Variants in CHRNB2 observed in about 807,000 individuals in gnomAD.
The protein encoded by CHRNB2 is cholinergic receptor nicotinic beta 2 subunit.
CHRNB2 carries 33 observed loss-of-function variants against 42.7 expected under a neutral mutation model. The observed-to-expected ratio is 0.77, with a 90% CI of 0.59 to 1.03. The LOEUF is 1.03. Ranked by LOEUF, CHRNB2 falls within the 50% of genes least tolerant of loss-of-function variation. The probability of loss-of-function intolerance (pLI) is 0.00; values close to 1 mark genes in which losing one functional copy is unlikely to be tolerated. For missense variants in CHRNB2, 603 were observed against 700.9 expected, an observed-to-expected ratio of 0.86 and a Z score of 1.58; for synonymous variants, 325 against 292.9, an observed-to-expected ratio of 1.11 and a Z score of -1.12.
rs1376414051 is a variant in CHRNB2, at chr1:154,567,979, C to G, written c.-66C>G. 2.7e-5 allele frequency: 38 copies of G among 1,418,722 alleles called. No homozygotes were observed. The highest frequency in any genetic ancestry group is 3.5e-5 in the Non-Finnish European group (38 of 1,083,724). 87.9% of individuals were successfully genotyped at this position (1,418,722 alleles called of 1,614,324 possible). On this transcript the variant is annotated 5_prime_UTR_variant, in exon 1 of 6. Transcript: ENST00000368476. ...TTCAGCACCACGGACAGCGCCCCAC[C>G]CGCGGCCCTCCCCCCGGCGGCGCGC... is the stretch of plus-strand genomic sequence containing the variant.
At position 154,576,455 on chromosome 1, in the gene CHRNB2, C is replaced by T. The variant is rs1571027322; in HGVS notation, c.*523C>T. On this transcript the variant is annotated 3_prime_UTR_variant, in exon 6 of 6. Transcript: ENST00000368476. ...GTGGACAGCAGCTGGACTGGGTGGGCCCCACAGTGGTCAGCGATTCCTGCC... is the reference window on the plus strand; with the variant it reads ...GTGGACAGCAGCTGGACTGGGTGGGTCCCACAGTGGTCAGCGATTCCTGCC... The T allele has an allele frequency of 8.8e-6, 2 of 228,292 alleles. No homozygotes were observed. The highest frequency in any genetic ancestry group is 6.4e-5 in the South Asian group (1 of 15,550). The allele number at this position is 228,292 out of a possible 1,614,324, so 14.1% of individuals were successfully genotyped here.
At chr1:154,569,859 A>G in intron 3 of CHRNB2, 23 bp downstream of exon 3, 1 of 1,613,384 alleles carries the variant, frequency 6.2e-7, no homozygotes, top group Non-Finnish European at 8.5e-7. Flanking sequence ...GCTCTCTTCC[A>G]CCCACACCCC....
Position 154,571,196 on chromosome 1 carries a change from G to A in CHRNB2, c.373G>A (p.Gly125Ser), listed in dbSNP as rs922186544. The A allele has an allele frequency of 3.7e-6, 6 of 1,614,028 alleles. No individual in the cohort carries two copies. The highest frequency in any genetic ancestry group is 1.7e-5 in the Admixed American group (1 of 60,012). Residue 125 changes from glycine to serine, a missense_variant, in exon 5 of 6, where the codon GGC becomes AGC. Gly to Ser is a moderately conservative substitution (Grantham distance 56, BLOSUM62 0). This residue lies in a region of CHRNB2 where 333 missense variants were observed against 452.6 expected (regional missense o/e 0.74). Coordinates refer to ENST00000368476, the MANE Select transcript of CHRNB2 (RefSeq NM_000748.3). This position sits in a 1 kb window ranked among gnomAD's most constrained non-coding sequence, Gnocchi z 6.8. Reference sequence around the variant, plus strand: ...GTGCCCATCCTTTGGCAGTGCTGACGGCATGTACGAGGTGTCCTTCTATTC... The same window carrying A: ...GTGCCCATCCTTTGGCAGTGCTGACAGCATGTACGAGGTGTCCTTCTATTC... Reference protein sequence around the residue: ...PDVVLYNNADGMYEVSFYSNA... With the variant: ...PDVVLYNNADSMYEVSFYSNA...
rs975440916 is a variant in CHRNB2 at position 154,576,848 on chromosome 1, G to A, written c.*916G>A. The A allele has an allele frequency of 3.3e-5, 5 of 152,176 alleles. No individual in the cohort carries two copies. Among genetic ancestry groups the A allele is most frequent in the South Asian group, 2.1e-4 (1 of 4,834 alleles). 9.4% of individuals were successfully genotyped at this position (152,176 alleles called of 1,614,324 possible). A position where few individuals can be genotyped will look rare whatever the true frequency, so the allele number is the denominator to read the frequency against. On this transcript the variant is annotated 3_prime_UTR_variant, in exon 6 of 6. Coordinates refer to ENST00000368476, the MANE Select transcript of CHRNB2 (RefSeq NM_000748.3). Reference sequence around the variant, plus strand: ...TGCAGATGAAGAAACTGACCCACACGGTGAGACAAGCACAGGTGGGTCTGA... The same window carrying A: ...TGCAGATGAAGAAACTGACCCACACAGTGAGACAAGCACAGGTGGGTCTGA...
At chr1:154,575,629 C>G (rs2101526971) in intron 5 of CHRNB2, 133 bp from the exon 6 acceptor site, 1 of 970,652 alleles carries the variant, frequency 1.0e-6, no homozygotes, top group Admixed American at 1.8e-5. Context: ...CAGAGCCATG[C>G]TTTAACAAGA....
rs767243629 is a variant in CHRNB2 at position 154,575,857 on chromosome 1, C to A, written c.1434C>A (p.Phe478Leu). Residue 478 changes from phenylalanine (F) to leucine (L), a missense_variant, in exon 6 of 6, where the codon TTC (phenylalanine) becomes TTA (leucine). Phe to Leu is a conservative substitution (Grantham distance 22). Coordinates refer to ENST00000368476, the MANE Select transcript of CHRNB2 (RefSeq NM_000748.3). ...GTGTCTTTGGCACCATCGGCATGTTCCTGCAGCCTCTCTTCCAGAACTACA... is the reference window on the plus strand; with the variant it reads ...GTGTCTTTGGCACCATCGGCATGTTACTGCAGCCTCTCTTCCAGAACTACA... ...FVCVFGTIGMFLQPLFQNYTT... is the reference protein window; with the variant it reads ...FVCVFGTIGMLLQPLFQNYTT... 4 of 1,614,126 alleles carry A rather than the reference C, an allele frequency of 2.5e-6. No homozygotes were observed. The highest frequency in any genetic ancestry group is 3.4e-6 in the Non-Finnish European group (4 of 1,180,028).
rs1266967274 is a variant in CHRNB2, at chr1:154,571,874, C to T, written c.1051C>T (p.Gln351Ter). ...GCTGCCCGCGCTGCTCTTCATGCAG[C>T]AGCCACGCCATCATTGCGCCCGTCA... ...EKLPALLFMQQPRHHCARQRL... is the reference protein window; with the variant it reads ...EKLPALLFMQ Residue 351 changes from glutamine (Q) to a stop codon, truncating the protein, a stop_gained, in exon 5 of 6, where the codon CAG becomes TAG. Transcript: ENST00000368476. LOFTEE classifies it high-confidence loss of function. The surrounding 1 kb of genome is among the most constrained non-coding windows in gnomAD (Gnocchi z 6.8). 6.2e-7 allele frequency: 1 copy of T among 1,601,010 alleles called. No homozygotes were observed.
chr1:154,574,457 C>G (rs188307169), intron 5 of CHRNB2, among the ~76,000 whole-genome samples: 2 of 152,278 alleles, frequency 1.3e-5, no homozygotes, highest in Non-Finnish European at 2.9e-5. Flanking sequence ...TGGAACAGTT[C>G]CTCAGCTTTG....
At chr1:154,568,241 A>C in intron 1 of CHRNB2, 133 bp downstream of exon 1, 1 of 1,101,378 alleles carries the variant, frequency 9.1e-7, no homozygotes, top group East Asian at 2.6e-5. Flanking sequence ...AGTCTGCTGG[A>C]GGTTAGGGGA....
In CHRNB2 at chr1:154,571,211, T is replaced by G; in HGVS notation, c.388T>G (p.Ser130Ala). ...YNNADGMYEV[S>A]FYSNAVVSYD... ...CAGTGCTGACGGCATGTACGAGGTG[T>G]CCTTCTATTCCAATGCCGTGGTCTC... The change falls in exon 5 of 6, where the codon TCC becomes GCC. Residue 130 changes from serine to alanine, a missense_variant. Physicochemically the swap from Ser to Ala is moderately conservative, Grantham distance 99. Transcript: ENST00000368476. The surrounding 1 kb of genome is among the most constrained non-coding windows in gnomAD (Gnocchi z 6.8). 6.2e-7 allele frequency: 1 copy of G among 1,614,198 alleles called. No homozygotes were observed. The highest frequency in any genetic ancestry group is 8.5e-7 in the Non-Finnish European group (1 of 1,180,042).
At position 154,571,072 on chromosome 1, in the gene CHRNB2, G is replaced by A. The variant is rs1696155745; in HGVS notation, c.366-117G>A. The A allele has an allele frequency of 6.3e-7, 1 of 1,595,294 alleles. No homozygotes were observed. The highest frequency in any genetic ancestry group is 1.3e-5 in the African/African-American group (1 of 74,458). On this transcript the variant is annotated intron_variant, in intron 4 of 5. Coordinates refer to ENST00000368476, the MANE Select transcript of CHRNB2 (RefSeq NM_000748.3). The surrounding 1 kb of genome is among the most constrained non-coding windows in gnomAD (Gnocchi z 6.8). The stretch of plus-strand genomic sequence containing the variant: ...CTCCTGGATGGTTACTCTCAGATCT[G>A]GGTGTCCCCTCCCCATGTCTCCCTC...
intron 1 of CHRNB2, 120 bp downstream of exon 1, chr1:154,568,228 G>A (rs1696097512): frequency 2.4e-6 from 3 of 1,253,266 alleles, no homozygotes; most frequent in African/African-American, 3.0e-5. Flanking sequence ...CTAGAGGTGG[G>A]GGAGTCTGCT....
Position 154,576,307 on chromosome 1 carries a change from G to C in CHRNB2, c.*375G>C. On this transcript the variant is annotated 3_prime_UTR_variant, in exon 6 of 6. Coordinates refer to ENST00000368476, the MANE Select transcript of CHRNB2 (RefSeq NM_000748.3). ...GCCTCCAAGTCATGGGAGAAGAGGG[G>C]TATAGGACAAGGGGTGGAAGGGCAG... The C allele has an allele frequency of 2.7e-6, 1 of 366,522 alleles. No homozygotes were observed. The highest frequency in any genetic ancestry group is 2.2e-5 in the South Asian group (1 of 45,552). The allele number at this position is 366,522 out of a possible 1,614,324, so 22.7% of individuals were successfully genotyped here.
rs1465775972 is a variant in CHRNB2, at chr1:154,569,856, T to C, written c.255+20T>C. The C allele has an allele frequency of 6.2e-7, 1 of 1,613,914 alleles. No homozygotes were observed. The highest frequency in any genetic ancestry group is 1.1e-5 in the South Asian group (1 of 91,066). On this transcript the variant is annotated intron_variant, in intron 3 of 5. Transcript: ENST00000368476. Reference sequence around the variant, plus strand: ...ACCCAGGTAAGCGTAAGTGCTCTCTTCCACCCACACCCCTGGCCTTCTCTC... The same window carrying C: ...ACCCAGGTAAGCGTAAGTGCTCTCTCCCACCCACACCCCTGGCCTTCTCTC...
chr1:154,571,557 GT>G lies in CHRNB2; in HGVS notation c.735del (p.Cys245TrpfsTer7). On this transcript the variant is annotated frameshift_variant, in exon 5 of 6. Coordinates refer to ENST00000368476, the MANE Select transcript of CHRNB2 (RefSeq NM_000748.3). LOFTEE classifies it high-confidence loss of function. The surrounding 1 kb of genome is among the most constrained non-coding windows in gnomAD (Gnocchi z 6.8). Reference sequence around the variant, plus strand: ...TACACCATCAACCTCATCATCCCCTGTGTGCTCATCACCTCGCTAGCCATCC... The same window carrying G: ...TACACCATCAACCTCATCATCCCCTGGTGCTCATCACCTCGCTAGCCATCC... ...LFYTINLIIP[C>X]VLITSLAILV... 6.2e-7 allele frequency: 1 copy of G among 1,614,180 alleles called. No individual in the cohort carries two copies. Among genetic ancestry groups the G allele is most frequent in the Non-Finnish European group, 8.5e-7 (1 of 1,180,034 alleles).
At chr1:154,568,275 C>G (rs1696098694) in intron 1 of CHRNB2, among the ~76,000 whole-genome samples, 167 bp downstream of exon 1, 1 of 152,200 alleles carries the variant, frequency 6.6e-6, no homozygotes. Context: ...CTGCAGAGAG[C>G]ACCTGGGAGG....
chr1:154,572,301 C>T lies in CHRNB2; in HGVS notation c.1338+140C>T, dbSNP rs1244389045. On this transcript the variant is annotated intron_variant, in intron 5 of 5. Coordinates refer to ENST00000368476, the MANE Select transcript of CHRNB2 (RefSeq NM_000748.3). ...GAAAATGTGAGTCAGGCCTGTGTTG[C>T]GGGCCTGGGTGCTGGCTAGGGCCCT... The T allele has an allele frequency of 6.1e-6, 9 of 1,477,814 alleles. No individual in the cohort carries two copies. The African/African-American group carries it at 8.3e-5, about 14-fold the overall frequency. 91.5% of individuals were successfully genotyped at this position (1,477,814 alleles called of 1,614,324 possible).
rs1557850747 is a variant in CHRNB2 at position 154,569,503 on chromosome 1, C to T, written c.106C>T (p.Leu36Phe). 2 of 1,613,852 alleles carry T rather than the reference C, an allele frequency of 1.2e-6. No homozygotes were observed. Among genetic ancestry groups the T allele is most frequent in the Middle Eastern group, 1.7e-4 (1 of 6,036 alleles). The change falls in exon 2 of 6, where the codon CTC becomes TTC. Residue 36 changes from leucine to phenylalanine, a missense_variant. Physicochemically the swap from Leu to Phe is conservative, Grantham distance 22. Coordinates refer to ENST00000368476, the MANE Select transcript of CHRNB2 (RefSeq NM_000748.3). ...TACAGAGGAGCGGCTGGTGGAGCAT[C>T]TCCTGGATCCTTCCCGCTACAACAA... ...TDTEERLVEH[L>F]LDPSRYNKLI...
At position 154,576,346 on chromosome 1, in the gene CHRNB2, A is replaced by T. The variant is rs1378425892; in HGVS notation, c.*414A>T. ...GTGGAAGGGCAGGAGCTCACACCGC[A>T]CCGGGCTGGCCTGACACAATGGTAG... On this transcript the variant is annotated 3_prime_UTR_variant, in exon 6 of 6. Coordinates refer to ENST00000368476, the MANE Select transcript of CHRNB2 (RefSeq NM_000748.3). 3.0e-6 allele frequency: 1 copy of T among 329,226 alleles called. No homozygotes were observed. Among genetic ancestry groups the T allele is most frequent in the Non-Finnish European group, 6.0e-6 (1 of 167,318 alleles). 20.4% of individuals were successfully genotyped at this position (329,226 alleles called of 1,614,324 possible).
Sources: gnomAD v4.1 joint callset for allele counts (sites outside exome capture counted in the v4.1 genomes callset) on GRCh38, gnomAD v4.1.1 for gene constraint, gnomAD v4.1.1 regional missense constraint, Gnocchi (gnomAD v3.1) non-coding constraint, MANE v1.5 for transcripts, NCBI Gene and HGNC (gene_info 2026-07-23, HGNC 2026-07-21) for gene names.